GOLGA3: variants seen among roughly 807,000 people sequenced by gnomAD.
The protein encoded by GOLGA3 is golgin A3, also known as golgin subfamily A member 3.
GOLGA3 carries 75 observed loss-of-function variants against 169.4 expected under a neutral mutation model. The observed-to-expected ratio is 0.44, with a 90% CI of 0.37 to 0.54. The LOEUF (loss-of-function observed/expected upper bound fraction) is 0.54. GOLGA3 is among the 20% of genes least tolerant of loss of function. The probability of loss-of-function intolerance (pLI) is 0.00; values close to 1 mark genes in which losing one functional copy is unlikely to be tolerated. For missense variants in GOLGA3, 1,899 were observed against 1,930.0 expected (o/e 0.98, Z 0.30); for synonymous variants, 824 against 822.4 (o/e 1.00, Z -0.03).
At chr12:132,787,926 C>CT (rs147957569) in intron 13 of GOLGA3, among the ~76,000 whole-genome samples, 12,944 of 91,054 alleles carry the variant, frequency 0.14, 2,971 homozygotes, top group East Asian at 0.44. Flanking sequence ...GGACCCCCCC[C>CT]GGATGCCCTC....
chr12:132,814,262 G>A (rs1949858693), intron 3 of GOLGA3, among the ~76,000 whole-genome samples: 1 of 151,966 alleles, frequency 6.6e-6, no homozygotes, highest in Non-Finnish European at 1.5e-5. Context: ...GACCTGAGGT[G>A]ATCCGCCCAC....
intron 7 of GOLGA3, among the ~76,000 whole-genome samples, chr12:132,803,663 C>A (rs920230646): frequency 3.4e-5 from 5 of 149,080 alleles, no homozygotes; most frequent in Middle Eastern, 3.2e-3. Context: ...ACTACTGTCT[C>A]TCGGCCGGCT....
chr12:132,784,417 A>T, intron 15 of GOLGA3, 110 bp from the exon 16 acceptor site: 1 of 901,862 alleles, frequency 1.1e-6, no homozygotes, highest in Non-Finnish European at 1.7e-6. Flanking sequence ...ACCAGACACC[A>T]GCTGTCTGAC....
chr12:132,795,765 A>AAAAG (rs1233527067), intron 11 of GOLGA3, 87 bp downstream of exon 11: 26 of 1,410,602 alleles, frequency 1.8e-5, no homozygotes, highest in East Asian at 1.1e-4. Context: ...TTTCAAAAAA[A>AAAAG]AAAGAAAGAA....
intron 12 of GOLGA3, among the ~76,000 whole-genome samples, chr12:132,789,841 G>A (rs750757348): frequency 6.6e-6 from 1 of 151,528 alleles, no homozygotes; most frequent in Non-Finnish European, 1.5e-5. Flanking sequence ...AACCAGCCTG[G>A]CCAACAAGGT....
Position 132,772,857 on chromosome 12 carries a change from C to T in GOLGA3, c.*248G>A, listed in dbSNP as rs553495855. On this transcript the variant is annotated 3_prime_UTR_variant, in exon 24 of 24. Transcript: ENST00000450791. ...CGACCTACAAGTAACCCTTCAGACA[C>T]GTTCAAAGCTCCTCGCCGAGAGCCT... is the stretch of plus-strand genomic sequence containing the variant. The T allele has an allele frequency of 3.9e-5, 16 of 413,042 alleles. No individual in the cohort carries two copies. The highest frequency in any genetic ancestry group is 6.1e-5 in the Non-Finnish European group (14 of 228,072). The allele number at this position is 413,042 out of a possible 1,614,324, so 25.6% of individuals were successfully genotyped here.
intron 9 of GOLGA3, 63 bp from the exon 10 acceptor site, chr12:132,796,763 G>T: frequency 6.6e-7 from 1 of 1,516,574 alleles, no homozygotes; most frequent in South Asian, 1.2e-5. Flanking sequence ...GCAGCCGGTG[G>T]CCCCGTGCTC....
At chr12:132,801,991 G>T in intron 7 of GOLGA3, 22 bp from the exon 8 acceptor site, 1 of 1,583,852 alleles carries the variant, frequency 6.3e-7, no homozygotes, top group South Asian at 1.1e-5. Flanking sequence ...CAAGCACAGC[G>T]GCTCAGGCCA....
chr12:132,783,792 G>A, intron 16 of GOLGA3: 1 of 661,420 alleles, frequency 1.5e-6, no homozygotes, highest in Non-Finnish European at 2.3e-6. Context: ...CGGCCAGGCT[G>A]GTCTCGAGCT....
At chr12:132,785,349 G>A (rs887694561) in intron 15 of GOLGA3, among the ~76,000 whole-genome samples, 1 of 152,122 alleles carries the variant, frequency 6.6e-6, no homozygotes, top group Non-Finnish European at 1.5e-5. Context: ...TCTATCGCCC[G>A]GGCTGGAGTG....
chr12:132,795,219 C>T (rs1013827955), intron 11 of GOLGA3, among the ~76,000 whole-genome samples: 7 of 151,372 alleles, frequency 4.6e-5, no homozygotes, highest in Admixed American at 3.9e-4. Context: ...GGGTCGGGCG[C>T]GGTGGCTCAC....
At chr12:132,801,197 G>A (rs926878098) in intron 8 of GOLGA3, among the ~76,000 whole-genome samples, 3 of 152,230 alleles carry the variant, frequency 2.0e-5, no homozygotes, top group Admixed American at 6.5e-5. Flanking sequence ...GCCCGCTAAC[G>A]AGTGGACGGG....
chr12:132,816,769 A>C lies in GOLGA3; in HGVS notation c.177T>G (p.Asp59Glu). Residue 59 changes from aspartate (D) to glutamate (E), a missense_variant, in exon 3 of 24, where the codon GAT (aspartate) becomes GAG (glutamate). Transcript: ENST00000450791. ...GACAGAGGCCTCCCTGGCCAGGTCC[A>C]TCCGGGCTTTCCCCTTCCGTGGATG... Reference protein sequence around the residue: ...NRASTEGESPDGPGQGGLCQN... With the variant: ...NRASTEGESPEGPGQGGLCQN... 6.2e-7 allele frequency: 1 copy of C among 1,610,224 alleles called. No individual in the cohort carries two copies. Among genetic ancestry groups the C allele is most frequent in the Non-Finnish European group, 8.5e-7 (1 of 1,176,806 alleles).
At chr12:132,774,908 T>C (rs2045136817) in intron 22 of GOLGA3, 4 of 565,998 alleles carry the variant, frequency 7.1e-6, no homozygotes, top group Non-Finnish European at 9.3e-6. Context: ...ACAAAGCACA[T>C]TACAACAAAG....
At chr12:132,780,333 G>A (rs1161381508) in intron 18 of GOLGA3, among the ~76,000 whole-genome samples, 1 of 152,194 alleles carries the variant, frequency 6.6e-6, no homozygotes, top group Admixed American at 6.5e-5. Context: ...GGCCCAGACA[G>A]GGCACCTGGG....
At chr12:132,773,881 C>T in intron 23 of GOLGA3, among the ~76,000 whole-genome samples, 1 of 144,562 alleles carries the variant, frequency 6.9e-6, no homozygotes, top group Non-Finnish European at 1.5e-5. Flanking sequence ...AGTCCCTCCC[C>T]CTTTATATAA....
At position 132,780,056 on chromosome 12, in the gene GOLGA3, TACAC is replaced by T. The variant is rs563509848; in HGVS notation, c.3582+738_3582+741del. ...TTGCACGGACACCCCCCCGCGCACA[TACAC>T]ACACACACCCCAGGCACACGTGTGT... On this transcript the variant is annotated intron_variant, in intron 18 of 23. Transcript: ENST00000450791. Among the ~76,000 whole-genome samples the T allele has an allele frequency of 4.2e-3, 381 of 89,946 alleles. 1 individual carries two copies. The highest frequency in any genetic ancestry group is 0.015 in the African/African-American group (333 of 22,202). 59.0% of individuals were successfully genotyped at this position (89,946 alleles called of 152,430 possible).
chr12:132,815,251 C>T (rs553163206), intron 3 of GOLGA3, among the ~76,000 whole-genome samples: 3 of 152,268 alleles, frequency 2.0e-5, no homozygotes, highest in Non-Finnish European at 4.4e-5. Flanking sequence ...TTATATAAGT[C>T]GGCAAAATAA....
chr12:132,816,504 G>A (rs374953261), intron 3 of GOLGA3, 36 bp downstream of exon 3: 24 of 1,601,532 alleles, frequency 1.5e-5, no homozygotes, highest in African/African-American at 2.7e-5. Flanking sequence ...CGACGCGGAC[G>A]TGGAGGGTGG....
Sources: gnomAD v4.1 joint callset for allele counts (sites outside exome capture counted in the v4.1 genomes callset) on GRCh38, gnomAD v4.1.1 for gene constraint, MANE v1.5 for transcripts, NCBI Gene and HGNC (gene_info 2026-07-23, HGNC 2026-07-21) for gene names.